MYO1D: variants seen among roughly 807,000 people sequenced by gnomAD.
MYO1D encodes the protein unconventional myosin-Id.
A neutral mutation model predicts 122.0 loss-of-function variants in MYO1D; 83 were observed. The ratio of observed to expected loss-of-function variants is 0.68; its 90% CI spans 0.57 to 0.82. The LOEUF (loss-of-function observed/expected upper bound fraction) is 0.82. MYO1D is among the 40% of genes least tolerant of loss of function. MYO1D has a pLI of 0.00. For missense variants in MYO1D, 1,157 were observed against 1,269.5 expected, an observed-to-expected ratio of 0.91 and a Z score of 1.35; for synonymous variants, 464 against 446.9, an observed-to-expected ratio of 1.04 and a Z score of -0.48.
At chr17:32,663,163 C>G (rs1295997503) in intron 16 of MYO1D, among the ~76,000 whole-genome samples, 2 of 152,242 alleles carry the variant, frequency 1.3e-5, no homozygotes, top group East Asian at 3.9e-4. Context: ...GTGATCCACC[C>G]GCCTTGGCTT....
At chr17:32,656,202 C>T (rs986036861) in intron 17 of MYO1D, among the ~76,000 whole-genome samples, 5 of 152,084 alleles carry the variant, frequency 3.3e-5, no homozygotes, top group Non-Finnish European at 5.9e-5. Context: ...TAATCAAGGC[C>T]GGCTGTTCTC....
chr17:32,548,084 C>T (rs1011357999), intron 21 of MYO1D, among the ~76,000 whole-genome samples: 2 of 152,090 alleles, frequency 1.3e-5, no homozygotes, highest in Admixed American at 6.5e-5. Context: ...CCCTTTCTTT[C>T]TGGGTTTGTC....
intron 1 of MYO1D, among the ~76,000 whole-genome samples, chr17:32,800,461 C>T (rs2090451415): frequency 6.6e-6 from 1 of 151,928 alleles, no homozygotes; most frequent in Admixed American, 6.6e-5. Flanking sequence ...AGACAAATAC[C>T]ACATGACCAC....
chr17:32,547,206 C>A (rs928789943), intron 21 of MYO1D, among the ~76,000 whole-genome samples: 1 of 152,058 alleles, frequency 6.6e-6, no homozygotes, highest in African/African-American at 2.4e-5. Context: ...TGTGCCGGCA[C>A]GAGAACTCAT....
chr17:32,654,534 C>A lies in MYO1D; in HGVS notation c.2433G>T (p.Lys811Asn), dbSNP rs1242000633. 6.2e-7 allele frequency: 1 copy of A among 1,614,016 alleles called. No homozygotes were observed. The highest frequency in any genetic ancestry group is 1.3e-5 in the African/African-American group (1 of 74,932). Reference sequence around the variant, plus strand: ...GGAGCCCGAGGTCAGCCCTTTGACCCTTCAACATTTCCACGGCTGCAACCT... The same window carrying A: ...GGAGCCCGAGGTCAGCCCTTTGACCATTCAACATTTCCACGGCTGCAACCT... Reference protein sequence around the residue: ...RAKVAAVEMLKGQRADLGLQR... With the variant: ...RAKVAAVEMLNGQRADLGLQR... Residue 811 changes from lysine (K) to asparagine (N), a missense_variant, in exon 18 of 22, where the codon AAG (lysine) becomes AAT (asparagine). By Grantham distance (94) the Lys-to-Asn change is moderately conservative. Transcript: ENST00000318217.
intron 20 of MYO1D, among the ~76,000 whole-genome samples, chr17:32,622,193 A>G (rs115882448): frequency 3.3e-3 from 500 of 152,190 alleles, no homozygotes; most frequent in African/African-American, 0.012. Context: ...AGTCACCAGC[A>G]CCAAAGCCTG....
intron 5 of MYO1D, among the ~76,000 whole-genome samples, chr17:32,772,068 G>C (rs1192736442): frequency 2.0e-5 from 3 of 152,114 alleles, no homozygotes; most frequent in Non-Finnish European, 4.4e-5. Flanking sequence ...CAGTTACCTA[G>C]AAGAAACTGA....
chr17:32,725,122 C>A (rs1012640537), intron 14 of MYO1D, among the ~76,000 whole-genome samples: 2 of 151,880 alleles, frequency 1.3e-5, no homozygotes, highest in African/African-American at 4.8e-5. Context: ...TTGTATAGAA[C>A]CAGAAACTAT....
intron 16 of MYO1D, among the ~76,000 whole-genome samples, chr17:32,708,991 A>G (rs2089342047): frequency 6.6e-6 from 1 of 152,234 alleles, no homozygotes; most frequent in East Asian, 1.9e-4. Flanking sequence ...CAGCCCTAGT[A>G]GCACACCTGG....
intron 21 of MYO1D, among the ~76,000 whole-genome samples, chr17:32,549,015 C>T (rs563398982): frequency 6.6e-6 from 1 of 152,166 alleles, no homozygotes; most frequent in East Asian, 1.9e-4. Context: ...GCCTGGCCGA[C>T]TTTTAATTAT....
At chr17:32,608,278 A>C (rs895968405) in intron 20 of MYO1D, among the ~76,000 whole-genome samples, 9 of 152,254 alleles carry the variant, frequency 5.9e-5, no homozygotes, top group African/African-American at 2.2e-4. Context: ...AGAGCTCTTA[A>C]AACTTGATAG....
At chr17:32,756,982 G>A (rs1292583264) in intron 10 of MYO1D, among the ~76,000 whole-genome samples, 1 of 152,104 alleles carries the variant, frequency 6.6e-6, no homozygotes, top group Admixed American at 6.6e-5. Context: ...TCAAAGAGGG[G>A]CAGCTTATGA....
At chr17:32,497,201 G>C (rs1027140883) in intron 21 of MYO1D, 9 of 152,556 alleles carry the variant, frequency 5.9e-5, no homozygotes, top group Admixed American at 2.0e-4. Flanking sequence ...GGGAGGCAGA[G>C]GAGGGAGGAT....
chr17:32,743,447 C>T (rs1482428521), intron 13 of MYO1D, among the ~76,000 whole-genome samples: 2 of 152,130 alleles, frequency 1.3e-5, no homozygotes, highest in African/African-American at 4.8e-5. Flanking sequence ...CTTCTCCTAT[C>T]AGGCTCAGGT....
intron 14 of MYO1D, among the ~76,000 whole-genome samples, chr17:32,722,301 AAC>A (rs1292899538): frequency 1.3e-5 from 2 of 152,248 alleles, no homozygotes; most frequent in Non-Finnish European, 1.5e-5. Context: ...ATATTAAAAC[AAC>A]ACAGTTTTAT....
rs532004856 is a variant in MYO1D, at chr17:32,646,469, G to T, written c.2595+7374C>A. On this transcript the variant is annotated intron_variant, in intron 19 of 21. Coordinates refer to ENST00000318217, the MANE Select transcript of MYO1D (RefSeq NM_015194.3). ...TGTAAAAATATATATATATATAAAAGAAAGGAAACAATAATAAGTAAAAGT... is the reference window on the plus strand; with the variant it reads ...TGTAAAAATATATATATATATAAAATAAAGGAAACAATAATAAGTAAAAGT... 7.9e-5 allele frequency among the ~76,000 whole-genome samples: 12 copies of T among 151,884 alleles called. No individual in the cohort carries two copies. In the South Asian group the frequency reaches 2.5e-3, roughly 32 times the overall value.
At chr17:32,507,950 G>A (rs1909556079) in intron 21 of MYO1D, among the ~76,000 whole-genome samples, 1 of 150,176 alleles carries the variant, frequency 6.7e-6, no homozygotes, top group South Asian at 2.1e-4. Flanking sequence ...AGGCTAGAGG[G>A]CAATGGCGCG....
chr17:32,555,597 C>T (rs2087061506), intron 21 of MYO1D, among the ~76,000 whole-genome samples: 1 of 152,144 alleles, frequency 6.6e-6, no homozygotes. Context: ...ATCTCTTGAC[C>T]TGGTATCCTA....
rs1280298945 is a variant in MYO1D at position 32,654,561 on chromosome 17, T to G, written c.2406A>C (p.Ala802=). The G allele has an allele frequency of 1.4e-5, 23 of 1,614,102 alleles. No homozygotes were observed. Among genetic ancestry groups the G allele is most frequent in the Non-Finnish European group, 1.9e-5 (23 of 1,179,986 alleles). The change falls in exon 18 of 22, where the codon GCA becomes GCC. Residue 802 remains alanine (A), a synonymous_variant. Coordinates refer to ENST00000318217, the MANE Select transcript of MYO1D (RefSeq NM_015194.3). ...TCAACATTTCCACGGCTGCAACCTT[T>G]GCCCTGACCTGGGGCAGGTCTGAGG... The part of the protein sequence containing the change: ...IPASDLPQVR[A]KVAAVEMLKG...
Sources: gnomAD v4.1 joint callset for allele counts (sites outside exome capture counted in the v4.1 genomes callset) on GRCh38, gnomAD v4.1.1 for gene constraint, MANE v1.5 for transcripts, NCBI Gene and HGNC (gene_info 2026-07-23, HGNC 2026-07-21) for gene names.